Variants in SIDT1 observed in about 807,000 individuals in gnomAD.
SIDT1 encodes SID1 transmembrane family, member 1.
SIDT1 carries 101 observed loss-of-function variants against 107.5 expected under a neutral mutation model. That is an observed-to-expected ratio of 0.94 (90% CI 0.80 to 1.11). The LOEUF is 1.11. Ranked by LOEUF, SIDT1 falls within the 50% of genes least tolerant of loss-of-function variation. The pLI, the probability that SIDT1 is intolerant of heterozygous loss-of-function variation, is 0.00. For missense variants in SIDT1, 1,076 were observed against 1,058.2 expected, an observed-to-expected ratio of 1.02 and a Z score of -0.23; for synonymous variants, 395 against 398.2, an observed-to-expected ratio of 0.99 and a Z score of 0.10.
chr3:113,594,331 T>C (rs1944390209), intron 10 of SIDT1, among the ~76,000 whole-genome samples: 2 of 152,176 alleles, frequency 1.3e-5, no homozygotes, highest in South Asian at 4.1e-4. Context: ...TGCTAAATGC[T>C]CCTCTCCCTT....
At chr3:113,605,008 C>T in intron 14 of SIDT1, 32 bp downstream of exon 14, 1 of 1,611,942 alleles carries the variant, frequency 6.2e-7, no homozygotes, top group Non-Finnish European at 8.5e-7. Context: ...GCCCCAGAGT[C>T]CCAGCTTTCT....
chr3:113,616,616 C>G (rs1023989816), intron 20 of SIDT1, among the ~76,000 whole-genome samples: 1 of 152,002 alleles, frequency 6.6e-6, no homozygotes, highest in Non-Finnish European at 1.5e-5. Context: ...ACACGTTTAC[C>G]CATGGAACAA....
intron 20 of SIDT1, among the ~76,000 whole-genome samples, chr3:113,616,388 A>G (rs1576971571): frequency 6.6e-6 from 1 of 152,194 alleles, no homozygotes; most frequent in African/African-American, 2.4e-5. Flanking sequence ...TAAACAAAAT[A>G]TTTGCTAGTA....
intron 21 of SIDT1, 30 bp from the exon 22 acceptor site, chr3:113,623,397 C>T (rs372043096): frequency 2.7e-6 from 4 of 1,463,516 alleles, no homozygotes; most frequent in Non-Finnish European, 2.9e-6. Context: ...TCCACCTTCA[C>T]GGCTGCCCAC....
chr3:113,582,343 T>C (rs184045268), intron 6 of SIDT1, among the ~76,000 whole-genome samples: 180 of 152,342 alleles, frequency 1.2e-3, no homozygotes, highest in African/African-American at 4.2e-3. Flanking sequence ...TACTGTTTAC[T>C]GAATAATAAG....
chr3:113,613,666 T>C (rs768284791), intron 19 of SIDT1, among the ~76,000 whole-genome samples: 5 of 152,242 alleles, frequency 3.3e-5, no homozygotes, highest in Non-Finnish European at 7.3e-5. Flanking sequence ...AGTGAAGTCA[T>C]ACAAACTAAA....
intron 11 of SIDT1, chr3:113,602,648 C>T (rs1283413371): frequency 5.9e-6 from 1 of 169,826 alleles, no homozygotes; most frequent in African/African-American, 2.4e-5. Flanking sequence ...AGATGCTATA[C>T]ATAGCGATGT....
chr3:113,549,927 G>T (rs190530227), intron 1 of SIDT1, among the ~76,000 whole-genome samples: 130 of 152,262 alleles, frequency 8.5e-4, no homozygotes, highest in African/African-American at 2.9e-3. Context: ...AAGGTATGAG[G>T]TCTCTGTCTA....
intron 23 of SIDT1, among the ~76,000 whole-genome samples, chr3:113,625,477 G>C (rs896595985): frequency 1.3e-5 from 2 of 152,100 alleles, no homozygotes; most frequent in Non-Finnish European, 2.9e-5. Context: ...CTTCCAAACT[G>C]TTCTCCACAG....
At chr3:113,592,588 T>C (rs1944242191) in intron 9 of SIDT1, 1 of 133,488 alleles carries the variant, frequency 7.5e-6, no homozygotes, top group Admixed American at 7.4e-5. Flanking sequence ...GTTTTGTTTT[T>C]CTTTTTCTTT....
chr3:113,624,036 T>C (rs767822060), intron 23 of SIDT1, among the ~76,000 whole-genome samples: 9 of 152,230 alleles, frequency 5.9e-5, no homozygotes, highest in African/African-American at 9.6e-5. Flanking sequence ...TAGTTCATCT[T>C]CTCATCTTTC....
chr3:113,534,693 T>C (rs1034704696), intron 1 of SIDT1, among the ~76,000 whole-genome samples: 3 of 152,232 alleles, frequency 2.0e-5, no homozygotes, highest in Non-Finnish European at 4.4e-5. Flanking sequence ...GAAAACTCCA[T>C]GATCTCTGGA....
In SIDT1 at chr3:113,595,494, G is replaced by A. The variant is rs149699697; in HGVS notation, c.1045+2446G>A. On this transcript the variant is annotated intron_variant, in intron 10 of 24. Coordinates refer to ENST00000264852, the MANE Select transcript of SIDT1 (RefSeq NM_017699.3). ...CTTCGGAGGCTGCTATGGGAGGATC[G>A]CTTGAGCCCAGGATGTTGGGGCTGC... is the stretch of plus-strand genomic sequence containing the variant. Among the ~76,000 whole-genome samples the A allele has an allele frequency of 1.4e-3, 207 of 151,972 alleles. 1 individual carries two copies. The highest frequency in any genetic ancestry group is 4.5e-3 in the African/African-American group (186 of 41,438).
At chr3:113,584,621 C>T in intron 7 of SIDT1, 77 bp from the exon 8 acceptor site, 1 of 920,756 alleles carries the variant, frequency 1.1e-6, no homozygotes, top group Non-Finnish European at 1.7e-6. Context: ...TTTTGAACAA[C>T]AGTTCAGACA....
chr3:113,549,062 C>T (rs534656740), intron 1 of SIDT1, among the ~76,000 whole-genome samples: 7 of 152,202 alleles, frequency 4.6e-5, no homozygotes, highest in African/African-American at 1.4e-4. Context: ...AAGGTTCCTC[C>T]GTGTCTTTTT....
intron 21 of SIDT1, among the ~76,000 whole-genome samples, chr3:113,622,837 G>T (rs1369215359): frequency 6.6e-6 from 1 of 152,128 alleles, no homozygotes; most frequent in South Asian, 2.1e-4. Flanking sequence ...TTCAGTTATG[G>T]GAACTTTACA....
chr3:113,554,894 G>A (rs1446294763), intron 1 of SIDT1, among the ~76,000 whole-genome samples: 1 of 152,062 alleles, frequency 6.6e-6, no homozygotes, highest in Non-Finnish European at 1.5e-5. Context: ...ACTTTGACTT[G>A]GGAACCAATG....
intron 1 of SIDT1, among the ~76,000 whole-genome samples, chr3:113,565,819 T>C (rs1941849211): frequency 6.6e-6 from 1 of 152,230 alleles, no homozygotes; most frequent in Non-Finnish European, 1.5e-5. Flanking sequence ...TAGGCTTTAA[T>C]AAAATGTGGT....
chr3:113,635,176 A>G, the SIDT1 span, among the ~76,000 whole-genome samples: 4 of 152,322 alleles, frequency 2.6e-5, no homozygotes, highest in East Asian at 1.9e-4. Flanking sequence ...AAGCACAGGA[A>G]TGTAGTGTGG....
Sources: gnomAD v4.1 joint callset for allele counts (sites outside exome capture counted in the v4.1 genomes callset) on GRCh38, gnomAD v4.1.1 for gene constraint, MANE v1.5 for transcripts, NCBI Gene and HGNC (gene_info 2026-07-23, HGNC 2026-07-21) for gene names.